MBOAT2: variants seen among roughly 807,000 people sequenced by gnomAD.
MBOAT2 encodes membrane-bound glycerophospholipid O-acyltransferase 2.
A neutral mutation model predicts 63.4 loss-of-function variants in MBOAT2; 28 were observed. The observed-to-expected ratio is 0.44, with a 90% CI of 0.33 to 0.61. The LOEUF (loss-of-function observed/expected upper bound fraction) is 0.61, where lower values mean the gene tolerates loss of function less well. Among genes scored for constraint, MBOAT2 ranks in the 20% least tolerant of loss-of-function variants. MBOAT2 has a pLI of 0.03. For missense variants in MBOAT2, 470 were observed against 605.8 expected (o/e 0.78, Z 2.35); for synonymous variants, 211 against 215.6 (o/e 0.98, Z 0.19).
At chr2:8,866,179 T>G (rs1661880282) in intron 9 of MBOAT2, among the ~76,000 whole-genome samples, 1 of 152,206 alleles carries the variant, frequency 6.6e-6, no homozygotes, top group Admixed American at 6.5e-5. Flanking sequence ...CTTTTTCTCA[T>G]GCCATGCACT....
chr2:8,993,811 C>A (rs1169446607), intron 1 of MBOAT2, among the ~76,000 whole-genome samples: 1 of 152,206 alleles, frequency 6.6e-6, no homozygotes, highest in Non-Finnish European at 1.5e-5. Flanking sequence ...ACACTTCACT[C>A]CTTGCAAAAT....
At chr2:8,958,198 G>T (rs924481547) in intron 2 of MBOAT2, among the ~76,000 whole-genome samples, 19 of 152,078 alleles carry the variant, frequency 1.2e-4, no homozygotes, top group African/African-American at 3.1e-4. Context: ...CAGTATAAAA[G>T]ATTTGCAAAA....
At chr2:8,940,943 CA>C (rs1668010749) in intron 3 of MBOAT2, among the ~76,000 whole-genome samples, 2 of 151,760 alleles carry the variant, frequency 1.3e-5, no homozygotes, top group Non-Finnish European at 2.9e-5. Context: ...CTGAAAGAAA[CA>C]AACAGATTGT....
At position 8,853,891 on chromosome 2, in the gene MBOAT2, C is replaced by CGT. The variant is rs1383299052; in HGVS notation, c.*4786_*4787dup. On this transcript the variant is annotated 3_prime_UTR_variant, in exon 13 of 13. Coordinates refer to ENST00000305997, the MANE Select transcript of MBOAT2 (RefSeq NM_138799.4). ...ATTTCCCAGTCAATGGCCTATGGAA[C>CGT]GTGTCAGTTCTTTATTGGGATTTGC... is the stretch of plus-strand genomic sequence containing the variant. The CGT allele has an allele frequency of 3.9e-5, 6 of 152,242 alleles. No individual in the cohort carries two copies. Among genetic ancestry groups the CGT allele is most frequent in the Non-Finnish European group, 8.8e-5 (6 of 68,016 alleles). The allele number at this position is 152,242 out of a possible 1,614,324, so 9.4% of individuals were successfully genotyped here. A position where few individuals can be genotyped will look rare whatever the true frequency, so the allele number is the denominator to read the frequency against.
chr2:8,976,571 A>G (rs967855840), intron 1 of MBOAT2, among the ~76,000 whole-genome samples: 6 of 152,132 alleles, frequency 3.9e-5, no homozygotes, highest in Admixed American at 2.6e-4. Context: ...CTTCCTCTCC[A>G]AACACTGTCA....
intron 2 of MBOAT2, among the ~76,000 whole-genome samples, chr2:8,950,248 A>C (rs993844333): frequency 4.6e-5 from 7 of 152,166 alleles, no homozygotes; most frequent in African/African-American, 1.7e-4. Context: ...TAAGTATAGA[A>C]TCATATCATC....
chr2:8,928,886 A>T (rs1667117339), intron 3 of MBOAT2, among the ~76,000 whole-genome samples: 1 of 152,212 alleles, frequency 6.6e-6, no homozygotes, highest in South Asian at 2.1e-4. Flanking sequence ...TTTTGACTAT[A>T]CCACCTCCCT....
rs751321850 is a variant in MBOAT2 at position 8,958,628 on chromosome 2, C to A, written c.90G>T (p.Val30=). The change falls in exon 2 of 13, where the codon GTG becomes GTT. Residue 30 remains valine (V), a synonymous_variant. Coordinates refer to ENST00000305997, the MANE Select transcript of MBOAT2 (RefSeq NM_138799.4). ...QLPIDQVNFV[V]CQLFALLAAI... is the part of the protein sequence containing the mutation. ...CTGCTAGCAAGGCAAAGAGTTGGCACACTACAAAGTTGACCTGTAAAGAAA... is the reference window on the plus strand; with the variant it reads ...CTGCTAGCAAGGCAAAGAGTTGGCAAACTACAAAGTTGACCTGTAAAGAAA... 1.3e-6 allele frequency: 2 copies of A among 1,599,022 alleles called. No homozygotes were observed. The highest frequency in any genetic ancestry group is 2.3e-5 in the South Asian group (2 of 87,662).
intron 1 of MBOAT2, among the ~76,000 whole-genome samples, chr2:8,965,067 C>T (rs529427535): frequency 6.6e-6 from 1 of 152,040 alleles, no homozygotes; most frequent in East Asian, 1.9e-4. Flanking sequence ...AGTCTGTGAG[C>T]TCTTTAGCTT....
In MBOAT2 at chr2:9,000,279, T is replaced by C. The variant is rs145494233; in HGVS notation, c.75+3261A>G. ...GTCTTTTTCCTGTTGAATCACACTATGTGATTATAACAAATTCATAAGATT... is the reference window on the plus strand; with the variant it reads ...GTCTTTTTCCTGTTGAATCACACTACGTGATTATAACAAATTCATAAGATT... On this transcript the variant is annotated intron_variant, in intron 1 of 12. Coordinates refer to ENST00000305997, the MANE Select transcript of MBOAT2 (RefSeq NM_138799.4). 2.6e-5 allele frequency among the ~76,000 whole-genome samples: 4 copies of C among 152,342 alleles called. No homozygotes were observed. The East Asian group carries it at 7.7e-4, about 29-fold the overall frequency.
intron 2 of MBOAT2, among the ~76,000 whole-genome samples, chr2:8,949,861 C>T (rs1372911285): frequency 2.0e-5 from 3 of 152,108 alleles, no homozygotes; most frequent in Non-Finnish European, 2.9e-5. Context: ...ATAGTTTTTT[C>T]CAATTCTGTA....
chr2:8,984,186 CACGAAG>C (rs1671392531), intron 1 of MBOAT2, among the ~76,000 whole-genome samples: 1 of 152,150 alleles, frequency 6.6e-6, no homozygotes, highest in Non-Finnish European at 1.5e-5. Flanking sequence ...TTTCCACTTA[CACGAAG>C]TATCTAGAAC....
chr2:8,948,990 G>A (rs1004113795), intron 2 of MBOAT2, among the ~76,000 whole-genome samples: 3 of 152,108 alleles, frequency 2.0e-5, no homozygotes, highest in Non-Finnish European at 1.5e-5. Context: ...CCATAGCCTT[G>A]CCAATATCCG....
At chr2:8,973,850 T>C (rs1670633772) in intron 1 of MBOAT2, among the ~76,000 whole-genome samples, 3 of 152,170 alleles carry the variant, frequency 2.0e-5, no homozygotes, top group South Asian at 2.1e-4. Flanking sequence ...ACACTAAACA[T>C]TGTTGGTGGA....
chr2:8,957,603 G>C (rs951580801), intron 2 of MBOAT2, among the ~76,000 whole-genome samples: 14 of 152,026 alleles, frequency 9.2e-5, no homozygotes, highest in African/African-American at 3.4e-4. Context: ...CAAAGTCCCA[G>C]AGATTCTACA....
intron 3 of MBOAT2, among the ~76,000 whole-genome samples, chr2:8,918,402 A>G (rs1417049529): frequency 6.6e-6 from 1 of 152,216 alleles, no homozygotes; most frequent in Non-Finnish European, 1.5e-5. Context: ...ATCAAAGATC[A>G]CTGATCTCAG....
At chr2:8,968,989 G>C (rs1286982636) in intron 1 of MBOAT2, among the ~76,000 whole-genome samples, 1 of 152,156 alleles carries the variant, frequency 6.6e-6, no homozygotes, top group Non-Finnish European at 1.5e-5. Flanking sequence ...CCCCAACCTA[G>C]AAAGGCAGGC....
At chr2:8,912,416 A>AAAGACAGG (rs199665950) in intron 3 of MBOAT2, among the ~76,000 whole-genome samples, 6 of 135,146 alleles carry the variant, frequency 4.4e-5, no homozygotes, top group Non-Finnish European at 7.9e-5. Context: ...AGAAAGAAAG[A>AAAGACAGG]CAGGCCGGCC....
chr2:8,898,814 G>A (rs1329638614), intron 4 of MBOAT2, among the ~76,000 whole-genome samples: 1 of 152,234 alleles, frequency 6.6e-6, no homozygotes, highest in Non-Finnish European at 1.5e-5. Flanking sequence ...TTGAGGTCCA[G>A]AACAGTGAAC....
Sources: gnomAD v4.1 joint callset for allele counts (sites outside exome capture counted in the v4.1 genomes callset) on GRCh38, gnomAD v4.1.1 for gene constraint, MANE v1.5 for transcripts, NCBI Gene and HGNC (gene_info 2026-07-23, HGNC 2026-07-21) for gene names.